AGBL1: variants seen among roughly 807,000 people sequenced by gnomAD.
AGBL1 encodes the protein AGBL carboxypeptidase 1, also known as cytosolic carboxypeptidase 4.
Under a neutral mutation model 118.9 loss-of-function variants are expected in AGBL1, and 130 were observed. The ratio of observed to expected loss-of-function variants is 1.09; its 90% CI spans 0.95 to 1.26. AGBL1 has a LOEUF of 1.26. Ranked by LOEUF, AGBL1 falls within the 50% of genes most tolerant of loss-of-function variation. The probability of loss-of-function intolerance (pLI) is 0.00; values close to 1 mark genes in which losing one functional copy is unlikely to be tolerated. For synonymous variants in AGBL1, 555 were observed against 478.9 expected, an observed-to-expected ratio of 1.16 and a Z score of -2.08; for missense variants, 1,584 against 1,298.1, an observed-to-expected ratio of 1.22 and a Z score of -3.38.
At chr15:86,940,850 A>T (rs988568683) in intron 23 of AGBL1, among the ~76,000 whole-genome samples, 6 of 152,184 alleles carry the variant, frequency 3.9e-5, no homozygotes, top group Admixed American at 2.6e-4. Flanking sequence ...CTTACAAGAA[A>T]TATAAATTTG....
chr15:86,515,176 C>T (rs1482476826), intron 18 of AGBL1, among the ~76,000 whole-genome samples: 1 of 152,152 alleles, frequency 6.6e-6, no homozygotes, highest in Non-Finnish European at 1.5e-5. Context: ...TACTGATTTG[C>T]ATGCTTCTGA....
At chr15:86,767,763 G>A (rs980238203) in intron 22 of AGBL1, among the ~76,000 whole-genome samples, 8 of 152,012 alleles carry the variant, frequency 5.3e-5, no homozygotes, top group Middle Eastern at 3.4e-3. Flanking sequence ...CAGATTTTCT[G>A]ATGCGATGAC....
chr15:86,118,075 C>T lies in AGBL1; in HGVS notation c.52-23929C>T, dbSNP rs988185465. 4.6e-5 allele frequency among the ~76,000 whole-genome samples: 7 copies of T among 152,224 alleles called. No individual in the cohort carries two copies. In the East Asian group the frequency reaches 7.7e-4, roughly 17 times the overall value. On this transcript the variant is annotated intron_variant, in intron 1 of 22. Coordinates refer to ENST00000614907, the MANE Select transcript of AGBL1 (RefSeq NM_001386094.1). ...TTTCTTGTTACACTGACATTGTTACCGTTCTCCTGGGTGTCAATATAATGT... is the reference window on the plus strand; with the variant it reads ...TTTCTTGTTACACTGACATTGTTACTGTTCTCCTGGGTGTCAATATAATGT...
At chr15:86,192,857 GATC>G (rs752437048) in intron 5 of AGBL1, among the ~76,000 whole-genome samples, 2 of 152,084 alleles carry the variant, frequency 1.3e-5, no homozygotes, top group Admixed American at 6.6e-5. Flanking sequence ...TGTATAGTAT[GATC>G]ATGACTATAT....
intron 19 of AGBL1, among the ~76,000 whole-genome samples, chr15:86,541,172 A>G (rs2142241373): frequency 6.6e-6 from 1 of 152,336 alleles, no homozygotes; most frequent in African/African-American, 2.4e-5. Context: ...ATAGTAGAGG[A>G]TTAAACCTCA....
At chr15:86,225,017 G>C in intron 6 of AGBL1, 66 bp downstream of exon 6, 4 of 1,476,256 alleles carry the variant, frequency 2.7e-6, no homozygotes, top group Non-Finnish European at 3.7e-6. Context: ...ATACTTTCTG[G>C]TCCCCATGGC....
intron 17 of AGBL1, among the ~76,000 whole-genome samples, chr15:86,330,836 C>A (rs936987200): frequency 1.3e-5 from 2 of 152,092 alleles, no homozygotes; most frequent in African/African-American, 4.8e-5. Flanking sequence ...CAATTGAAAG[C>A]TTTATAATAA....
chr15:86,420,854 A>G (rs2081778781), intron 18 of AGBL1, among the ~76,000 whole-genome samples: 2 of 152,220 alleles, frequency 1.3e-5, no homozygotes, highest in African/African-American at 2.4e-5. Flanking sequence ...GAAAGAAAGG[A>G]TATCAGAGTT....
intron 17 of AGBL1, among the ~76,000 whole-genome samples, chr15:86,301,436 T>C (rs1038617153): frequency 2.0e-5 from 3 of 150,854 alleles, no homozygotes; most frequent in African/African-American, 7.3e-5. Context: ...TTTTGACAAA[T>C]AGTACAGCTA....
chr15:86,674,509 G>C (rs1316971361), intron 22 of AGBL1, 73 bp downstream of exon 22: 1 of 1,474,836 alleles, frequency 6.8e-7, no homozygotes, highest in African/African-American at 1.4e-5. Flanking sequence ...AGTAATGAAA[G>C]TCGAGTGGAC....
chr15:86,856,719 C>G (rs1480587441), intron 22 of AGBL1, among the ~76,000 whole-genome samples: 1 of 152,180 alleles, frequency 6.6e-6, no homozygotes. Context: ...AGTTAGTTAC[C>G]TAGCCTGAGT....
At chr15:86,440,717 C>G (rs2082053779) in intron 18 of AGBL1, among the ~76,000 whole-genome samples, 1 of 152,068 alleles carries the variant, frequency 6.6e-6, no homozygotes, top group Non-Finnish European at 1.5e-5. Context: ...CCTACTGTGC[C>G]TTTGACATGG....
intron 18 of AGBL1, among the ~76,000 whole-genome samples, chr15:86,507,691 T>G (rs1176462577): frequency 6.6e-6 from 1 of 152,034 alleles, no homozygotes; most frequent in Non-Finnish European, 1.5e-5. Flanking sequence ...ACCATGGATA[T>G]TTGGGGAAAG....
At chr15:86,654,818 C>T (rs1474977547) in intron 21 of AGBL1, among the ~76,000 whole-genome samples, 2 of 152,140 alleles carry the variant, frequency 1.3e-5, no homozygotes, top group Admixed American at 1.3e-4. Context: ...AGATTACATA[C>T]AGCCTTTCCT....
At chr15:86,483,132 CT>C (rs1248442974) in intron 18 of AGBL1, among the ~76,000 whole-genome samples, 1 of 152,084 alleles carries the variant, frequency 6.6e-6, no homozygotes, top group African/African-American at 2.4e-5. Flanking sequence ...CTGCATGCCT[CT>C]CCATGGGGCC....
At chr15:86,646,805 CATGTGTTTGAT>C (rs2142483570) in intron 21 of AGBL1, among the ~76,000 whole-genome samples, 1 of 152,274 alleles carries the variant, frequency 6.6e-6, no homozygotes, top group African/African-American at 2.4e-5. Context: ...TCTGCCTTCA[CATGTGTTTGAT>C]AGGTGGTGAG....
At chr15:86,770,064 C>G (rs2141286784) in intron 22 of AGBL1, among the ~76,000 whole-genome samples, 1 of 152,050 alleles carries the variant, frequency 6.6e-6, no homozygotes, top group South Asian at 2.1e-4. Context: ...AAATATTCTG[C>G]CCAGGTTGTT....
At chr15:86,255,505 G>A (rs1313918947) in intron 7 of AGBL1, among the ~76,000 whole-genome samples, 1 of 152,186 alleles carries the variant, frequency 6.6e-6, no homozygotes, top group Non-Finnish European at 1.5e-5. Context: ...CTTAAGGCTG[G>A]GCGTGGTAGC....
At chr15:87,006,480 A>C (rs1461408431) in intron 24 of AGBL1, among the ~76,000 whole-genome samples, 1 of 152,096 alleles carries the variant, frequency 6.6e-6, no homozygotes, top group African/African-American at 2.4e-5. Flanking sequence ...TGGGCATGGT[A>C]CCCTCCGAGC....
Sources: gnomAD v4.1 joint callset for allele counts (sites outside exome capture counted in the v4.1 genomes callset) on GRCh38, gnomAD v4.1.1 for gene constraint, MANE v1.5 for transcripts, NCBI Gene and HGNC (gene_info 2026-07-23, HGNC 2026-07-21) for gene names.